PTPRT: variants seen among roughly 807,000 people sequenced by gnomAD.
PTPRT encodes protein tyrosine phosphatase receptor type T.
Under a neutral mutation model 176.8 loss-of-function variants are expected in PTPRT, and 56 were observed. That is an observed-to-expected ratio of 0.32 (90% CI 0.26 to 0.40). PTPRT has a LOEUF of 0.40. PTPRT is among the 10% of genes least tolerant of loss of function. The pLI is 1.00. For missense variants in PTPRT, 1,540 were observed against 1,908.2 expected, an observed-to-expected ratio of 0.81 and a Z score of 3.60; for synonymous variants, 783 against 739.0, an observed-to-expected ratio of 1.06 and a Z score of -0.96.
rs559034411 is a variant in PTPRT at position 43,161,623 on chromosome 20, G to C, written c.88+28023C>G. Among the ~76,000 whole-genome samples the C allele has an allele frequency of 5.3e-5, 8 of 152,244 alleles. No individual in the cohort carries two copies. The East Asian group carries it at 1.5e-3, about 29-fold the overall frequency. ...TCCAAATGCCAAGGAACCAAGCAGA[G>C]CTTCAAACTTCCTCTCCAGAATCCA... On this transcript the variant is annotated intron_variant, in intron 1 of 30. Transcript: ENST00000373187.
At chr20:42,287,771 C>T (rs184948790) in intron 12 of PTPRT, among the ~76,000 whole-genome samples, 2 of 151,804 alleles carry the variant, frequency 1.3e-5, no homozygotes, top group Non-Finnish European at 2.9e-5. Flanking sequence ...GATGAATATG[C>T]TAATTACCTT....
intron 1 of PTPRT, among the ~76,000 whole-genome samples, chr20:43,159,765 G>C (rs1047812385): frequency 5.9e-5 from 9 of 152,174 alleles, no homozygotes; most frequent in Non-Finnish European, 1.3e-4. Context: ...AGGAAGTAGA[G>C]GTGCTTTGAT....
chr20:42,587,420 A>T (rs1285709563), intron 7 of PTPRT, among the ~76,000 whole-genome samples: 3 of 152,094 alleles, frequency 2.0e-5, no homozygotes, highest in Non-Finnish European at 4.4e-5. Context: ...CATAAGATAA[A>T]CTCATATCTT....
chr20:43,036,366 G>C (rs1986379175), intron 1 of PTPRT, among the ~76,000 whole-genome samples: 1 of 151,958 alleles, frequency 6.6e-6, no homozygotes, highest in Non-Finnish European at 1.5e-5. Flanking sequence ...AAAGTAGCTG[G>C]GACTGCAGAT....
At chr20:43,058,556 G>A (rs1476152913) in intron 1 of PTPRT, among the ~76,000 whole-genome samples, 2 of 152,324 alleles carry the variant, frequency 1.3e-5, no homozygotes, top group African/African-American at 2.4e-5. Context: ...CCAGGCCTCT[G>A]TAACTGCTCT....
intron 1 of PTPRT, among the ~76,000 whole-genome samples, chr20:42,967,897 T>G (rs1982393713): frequency 1.3e-5 from 2 of 152,130 alleles, no homozygotes; most frequent in African/African-American, 4.8e-5. Flanking sequence ...CTTCACTCAA[T>G]GCTGGCAACC....
At chr20:43,062,589 T>C (rs933928058) in intron 1 of PTPRT, among the ~76,000 whole-genome samples, 5 of 152,236 alleles carry the variant, frequency 3.3e-5, no homozygotes, top group Non-Finnish European at 7.3e-5. Context: ...CACACTCTTT[T>C]GCAGCATGCA....
chr20:42,437,550 G>GGTATGTAT (rs538949380), intron 9 of PTPRT, among the ~76,000 whole-genome samples: 6 of 152,198 alleles, frequency 3.9e-5, no homozygotes, highest in African/African-American at 1.2e-4. Flanking sequence ...CTGGAGACAT[G>GGTATGTAT]GTATGTATGT....
intron 7 of PTPRT, among the ~76,000 whole-genome samples, chr20:42,481,278 C>G (rs553448971): frequency 6.6e-6 from 1 of 152,034 alleles, no homozygotes; most frequent in African/African-American, 2.4e-5. Context: ...TTTAGGCAGC[C>G]GGCAATCCTC....
Position 42,791,285 on chromosome 20 carries a change from C to G in PTPRT, c.396G>C (p.Gly132=), listed in dbSNP as rs2077370954. The G allele has an allele frequency of 6.2e-7, 1 of 1,614,208 alleles. No individual in the cohort carries two copies. Among genetic ancestry groups the G allele is most frequent in the South Asian group, 1.1e-5 (1 of 91,082 alleles). ...VYVKVNGGPQ[G]NPVWNVSGVV... ...CCCCGGACACATTCCACACAGGGTT[C>G]CCTTGGGGGCCACCATTCACCTTCA... Residue 132 remains glycine (G), a synonymous_variant, in exon 3 of 31, where the codon GGG becomes GGC. Transcript: ENST00000373187.
chr20:42,646,554 T>C (rs2145951539), intron 7 of PTPRT, among the ~76,000 whole-genome samples: 1 of 152,192 alleles, frequency 6.6e-6, no homozygotes, highest in South Asian at 2.1e-4. Flanking sequence ...ATATTTCAAT[T>C]TAAATTCATT....
intron 6 of PTPRT, among the ~76,000 whole-genome samples, chr20:42,750,127 G>T (rs2076749689): frequency 6.6e-6 from 1 of 152,094 alleles, no homozygotes; most frequent in Admixed American, 6.6e-5. Context: ...TTCAGAAGAG[G>T]GAGACCTTAA....
At chr20:42,325,806 C>G (rs983531262) in intron 11 of PTPRT, among the ~76,000 whole-genome samples, 2 of 152,192 alleles carry the variant, frequency 1.3e-5, no homozygotes, top group African/African-American at 4.8e-5. Flanking sequence ...TTTACAATGT[C>G]TACAAGACTC....
At chr20:42,906,221 C>A (rs974080125) in intron 1 of PTPRT, among the ~76,000 whole-genome samples, 4 of 152,040 alleles carry the variant, frequency 2.6e-5, no homozygotes, top group African/African-American at 9.7e-5. Flanking sequence ...AGCTGGACGT[C>A]AAAAGGAGCA....
chr20:42,220,865 T>C (rs1355956451), intron 15 of PTPRT, among the ~76,000 whole-genome samples: 4 of 152,200 alleles, frequency 2.6e-5, no homozygotes, highest in African/African-American at 9.6e-5. Context: ...GTATCCTCTC[T>C]TTAATCTTGG....
intron 1 of PTPRT, among the ~76,000 whole-genome samples, chr20:42,977,124 A>G (rs1983001516): frequency 1.3e-5 from 2 of 152,192 alleles, no homozygotes; most frequent in African/African-American, 2.4e-5. Context: ...TCAAAAACCA[A>G]TGAAGACCCT....
chr20:42,278,946 C>T (rs569962846), intron 13 of PTPRT, among the ~76,000 whole-genome samples: 9 of 152,280 alleles, frequency 5.9e-5, no homozygotes, highest in African/African-American at 2.2e-4. Flanking sequence ...CCCTCATCTT[C>T]CAAAGGTATG....
At chr20:42,482,435 T>C in intron 7 of PTPRT, among the ~76,000 whole-genome samples, 1 of 152,172 alleles carries the variant, frequency 6.6e-6, no homozygotes, top group East Asian at 1.9e-4. Context: ...AGAGTATTCT[T>C]TGCCAAAAGT....
intron 2 of PTPRT, among the ~76,000 whole-genome samples, chr20:42,854,070 G>A (rs1600477525): frequency 6.6e-6 from 1 of 152,158 alleles, no homozygotes; most frequent in South Asian, 2.1e-4. Context: ...GAGACCTGCA[G>A]TACCATTACG....
Sources: allele counts gnomAD v4.1 joint callset (sites outside exome capture counted in the v4.1 genomes callset), GRCh38; gene constraint gnomAD v4.1.1; transcripts MANE v1.5; gene names NCBI Gene and HGNC (gene_info 2026-07-23, HGNC 2026-07-21).